Variants in DGKB observed in about 807,000 individuals in gnomAD.
The protein encoded by DGKB is 90 kDa diacylglycerol kinase.
A neutral mutation model predicts 114.3 loss-of-function variants in DGKB; 67 were observed. The observed-to-expected ratio is 0.59, with a 90% CI of 0.48 to 0.72. DGKB has a LOEUF of 0.72. DGKB is among the 30% of genes least tolerant of loss of function. The probability of loss-of-function intolerance (pLI) is 0.00; values close to 1 mark genes in which losing one functional copy is unlikely to be tolerated. For synonymous variants in DGKB, 398 were observed against 323.1 expected (o/e 1.23, Z -2.49); for missense variants, 907 against 975.2 (o/e 0.93, Z 0.93).
intron 1 of DGKB, among the ~76,000 whole-genome samples, chr7:14,899,041 T>C (rs971262617): frequency 9.2e-5 from 14 of 152,152 alleles, no homozygotes; most frequent in African/African-American, 3.4e-4. Context: ...TAAAATATTG[T>C]TTGGCTCTAC....
At chr7:14,926,986 C>T (rs1784782397) in intron 1 of DGKB, among the ~76,000 whole-genome samples, 1 of 151,878 alleles carries the variant, frequency 6.6e-6, no homozygotes, top group Admixed American at 6.6e-5. Context: ...TTTTGAAATA[C>T]CAGGTTAGTG....
rs764049265 is a variant in DGKB at position 14,685,324 on chromosome 7, C to T, written c.750G>A (p.Lys250=). 7.4e-6 allele frequency: 12 copies of T among 1,613,836 alleles called. No homozygotes were observed. In the South Asian group the frequency reaches 9.9e-5, roughly 13 times the overall value. Reference sequence around the variant, plus strand: ...TGCAATAGGCAGGTTTGTTAAAGTGCTTCAGTCGCCACACGTGCTGTCCAT... The same window carrying T: ...TGCAATAGGCAGGTTTGTTAAAGTGTTTCAGTCGCCACACGTGCTGTCCAT... ...KDDGQHVWRL[K]HFNKPAYCNL... is the part of the protein sequence containing the mutation. Residue 250 remains lysine, a synonymous_variant, in exon 10 of 26, where the codon AAG becomes AAA. Transcript: ENST00000402815.
Position 14,653,218 on chromosome 7 carries a change from C to T in DGKB, c.1134+19711G>A, listed in dbSNP as rs894757492. ...GACACATGCACACGTATGTTTATTG[C>T]GGCATTATTCACAACAGCAAAGACT... On this transcript the variant is annotated intron_variant, in intron 13 of 25. Transcript: ENST00000402815. Among the ~76,000 whole-genome samples, 1,256 of 148,984 alleles carry T rather than the reference C, an allele frequency of 8.4e-3. 16 individuals carry two copies. Among genetic ancestry groups the T allele is most frequent in the African/African-American group, 0.027 (1,086 of 39,862 alleles).
rs74274170 is a variant in DGKB at position 14,611,697 on chromosome 7, C to CTATA, written c.1358+1639_1358+1642dup. Among the ~76,000 whole-genome samples, 88 of 149,354 alleles carry CTATA rather than the reference C, an allele frequency of 5.9e-4. 1 individual carries two copies. In the East Asian group the frequency reaches 6.9e-3, roughly 12 times the overall value. On this transcript the variant is annotated intron_variant, in intron 16 of 25. Coordinates refer to ENST00000402815, the MANE Select transcript of DGKB (RefSeq NM_001350709.2). ...TAATTTACTTAACATTTTAGTGTAA[C>CTATA]TATATATATATATATGTATATTTTT...
intron 1 of DGKB, among the ~76,000 whole-genome samples, chr7:14,873,102 TTTG>T (rs1852728210): frequency 6.6e-6 from 1 of 152,044 alleles, no homozygotes; most frequent in South Asian, 2.1e-4. Context: ...CCTAAAATAT[TTTG>T]TTATCAAAAG....
At chr7:14,924,694 A>C (rs1441301521) in intron 1 of DGKB, among the ~76,000 whole-genome samples, 3 of 152,142 alleles carry the variant, frequency 2.0e-5, no homozygotes, top group Non-Finnish European at 2.9e-5. Context: ...TTTCAATAGT[A>C]ATCATTGAAT....
intron 2 of DGKB, among the ~76,000 whole-genome samples, chr7:14,836,591 A>G (rs1028052152): frequency 6.6e-6 from 1 of 152,210 alleles, no homozygotes; most frequent in Non-Finnish European, 1.5e-5. Flanking sequence ...GATAAGCTTA[A>G]TTCTCTAAAG....
intron 21 of DGKB, among the ~76,000 whole-genome samples, chr7:14,406,864 A>G (rs1700485560): frequency 6.6e-6 from 1 of 152,114 alleles, no homozygotes; most frequent in African/African-American, 2.4e-5. Context: ...TGAAGAGAAT[A>G]AATTGAGGGC....
intron 2 of DGKB, among the ~76,000 whole-genome samples, chr7:14,780,570 C>A (rs1354163503): frequency 6.6e-6 from 1 of 152,110 alleles, no homozygotes; most frequent in Non-Finnish European, 1.5e-5. Flanking sequence ...TATATTCAAT[C>A]AGTAGCTCAA....
intron 1 of DGKB, among the ~76,000 whole-genome samples, chr7:14,846,401 T>C (rs529260191): frequency 1.3e-5 from 2 of 152,292 alleles, no homozygotes; most frequent in South Asian, 4.1e-4. Flanking sequence ...CTTAGTCAAA[T>C]CTTTTTACTA....
intron 23 of DGKB, among the ~76,000 whole-genome samples, chr7:14,219,422 T>G (rs1187750503): frequency 6.6e-6 from 1 of 151,868 alleles, no homozygotes; most frequent in Non-Finnish European, 1.5e-5. Flanking sequence ...TCCACATTCT[T>G]GGCAACACTT....
At chr7:14,300,740 G>A (rs529316309) in intron 23 of DGKB, among the ~76,000 whole-genome samples, 20 of 151,950 alleles carry the variant, frequency 1.3e-4, no homozygotes, top group South Asian at 2.1e-4. Context: ...CAAGTGTATC[G>A]TTCACAAAAA....
At chr7:14,563,817 A>G (rs1459747863) in intron 20 of DGKB, among the ~76,000 whole-genome samples, 1 of 152,086 alleles carries the variant, frequency 6.6e-6, no homozygotes, top group Admixed American at 6.6e-5. Flanking sequence ...AAAGACCCCC[A>G]ACAACTAGCC....
chr7:14,514,013 C>T lies in DGKB; in HGVS notation c.1771-35788G>A, dbSNP rs1788385201. Among the ~76,000 whole-genome samples the T allele has an allele frequency of 4.6e-5, 7 of 151,712 alleles. No homozygotes were observed. The South Asian group carries it at 1.5e-3, about 32-fold the overall frequency. On this transcript the variant is annotated intron_variant, in intron 20 of 25. Transcript: ENST00000402815. ...TTTTTTAACATGTTACTTTTTTTAT[C>T]AATGTAAATTAAAATCTTAAAATCC...
At chr7:14,654,725 G>C (rs1242154058) in intron 13 of DGKB, among the ~76,000 whole-genome samples, 1 of 151,814 alleles carries the variant, frequency 6.6e-6, no homozygotes, top group African/African-American at 2.4e-5. Flanking sequence ...ACAAATCTAT[G>C]TATTTTACAG....
chr7:14,415,900 G>A (rs1474737867), intron 21 of DGKB, among the ~76,000 whole-genome samples: 1 of 152,110 alleles, frequency 6.6e-6, no homozygotes, highest in Non-Finnish European at 1.5e-5. Context: ...GTGTAAAAGT[G>A]TTCCTATTTC....
intron 6 of DGKB, among the ~76,000 whole-genome samples, chr7:14,713,658 C>G (rs1457849186): frequency 6.8e-6 from 1 of 148,002 alleles, no homozygotes; most frequent in Non-Finnish European, 1.5e-5. Flanking sequence ...CATTGTCAAA[C>G]TATAGGAAAG....
intron 2 of DGKB, among the ~76,000 whole-genome samples, chr7:14,814,358 G>A: frequency 6.6e-6 from 1 of 152,190 alleles, no homozygotes; most frequent in African/African-American, 2.4e-5. Flanking sequence ...AAAAAAATGG[G>A]ATTTTTAAAA....
chr7:14,866,383 C>T (rs1851719200), intron 1 of DGKB, among the ~76,000 whole-genome samples: 1 of 152,072 alleles, frequency 6.6e-6, no homozygotes, highest in African/African-American at 2.4e-5. Context: ...CTTAAAAATG[C>T]TTATTGTTCT....
Sources: allele counts gnomAD v4.1 joint callset (sites outside exome capture counted in the v4.1 genomes callset), GRCh38; gene constraint gnomAD v4.1.1; transcripts MANE v1.5; gene names NCBI Gene and HGNC (gene_info 2026-07-23, HGNC 2026-07-21).